Variants in NDUFAF2 observed in about 807,000 individuals in gnomAD.
NDUFAF2 encodes the protein NADH:ubiquinone oxidoreductase complex assembly factor 2, also known as NADH dehydrogenase [ubiquinone] 1 alpha subcomplex assembly factor 2.
In NDUFAF2, 13 loss-of-function variants were observed where a neutral mutation model predicts 22.8. The ratio of observed to expected loss-of-function variants is 0.57; its 90% confidence interval spans 0.37 to 0.91. The LOEUF is 0.91. Among genes scored for constraint, NDUFAF2 ranks in the 40% least tolerant of loss-of-function variants. NDUFAF2 has a pLI of 0.01. For missense variants in NDUFAF2, 162 were observed against 195.2 expected (o/e 0.83, Z 1.01); for synonymous variants, 53 against 64.2 (o/e 0.83, Z 0.84).
intron 3 of NDUFAF2, among the ~76,000 whole-genome samples, chr5:61,106,181 T>C (rs1752760581): frequency 6.6e-6 from 1 of 151,360 alleles, no homozygotes; most frequent in Non-Finnish European, 1.5e-5. Flanking sequence ...TCAAACTCTG[T>C]TGGGGAGCAG....
chr5:61,130,886 A>G (rs1454812016), intron 3 of NDUFAF2, among the ~76,000 whole-genome samples: 1 of 152,166 alleles, frequency 6.6e-6, no homozygotes, highest in Non-Finnish European at 1.5e-5. Flanking sequence ...AGTACCAGAA[A>G]TGGGACATTA....
At chr5:61,053,430 G>A (rs1252492121) in intron 1 of NDUFAF2, among the ~76,000 whole-genome samples, 1 of 152,180 alleles carries the variant, frequency 6.6e-6, no homozygotes, top group African/African-American at 2.4e-5. Context: ...TTCATTCATA[G>A]ATAGATTTTC....
At chr5:61,079,404 A>G (rs1461428367) in intron 2 of NDUFAF2, among the ~76,000 whole-genome samples, 1 of 152,194 alleles carries the variant, frequency 6.6e-6, no homozygotes, top group African/African-American at 2.4e-5. Flanking sequence ...TACCTTGGTC[A>G]TTTTGGCAAA....
intron 1 of NDUFAF2, among the ~76,000 whole-genome samples, chr5:61,039,143 CAA>C (rs36065069): frequency 2.2e-4 from 18 of 82,494 alleles, no homozygotes; most frequent in Non-Finnish European, 2.4e-4. Context: ...GCTGACAGGC[CAA>C]AAAAAAAAAA....
At chr5:60,981,639 T>C (rs539022853) in intron 1 of NDUFAF2, among the ~76,000 whole-genome samples, 1 of 152,220 alleles carries the variant, frequency 6.6e-6, no homozygotes, top group Admixed American at 6.5e-5. Context: ...TTTTAAGACA[T>C]AGTACAATAA....
chr5:60,973,424 T>G (rs1750862309), intron 1 of NDUFAF2, among the ~76,000 whole-genome samples: 1 of 152,168 alleles, frequency 6.6e-6, no homozygotes, highest in African/African-American at 2.4e-5. Flanking sequence ...GCCAACATAA[T>G]TTTTTCCTTT....
chr5:61,147,600 A>G (rs159372), intron 3 of NDUFAF2, among the ~76,000 whole-genome samples: 123,508 of 151,656 alleles, frequency 0.81, 50,828 homozygotes, highest in East Asian at 1. Flanking sequence ...GTTTTGTTAG[A>G]GTAGATCTAG....
intron 1 of NDUFAF2, among the ~76,000 whole-genome samples, chr5:60,964,726 A>G (rs1384344987): frequency 6.6e-6 from 1 of 152,138 alleles, no homozygotes; most frequent in African/African-American, 2.4e-5. Context: ...CGCTGGGATT[A>G]CAGGTGTGAA....
chr5:61,072,123 T>C (rs1469360040), intron 1 of NDUFAF2, among the ~76,000 whole-genome samples: 1 of 152,234 alleles, frequency 6.6e-6, no homozygotes, highest in East Asian at 1.9e-4. Context: ...TGAAGAACCA[T>C]AGACTTTGAA....
intron 3 of NDUFAF2, among the ~76,000 whole-genome samples, chr5:61,121,994 C>A (rs1752982037): frequency 1.3e-5 from 2 of 152,058 alleles, no homozygotes; most frequent in Non-Finnish European, 2.9e-5. Context: ...CCACACCCAG[C>A]TAATTTTTGT....
At chr5:60,979,229 C>T (rs943594948) in intron 1 of NDUFAF2, among the ~76,000 whole-genome samples, 1 of 152,170 alleles carries the variant, frequency 6.6e-6, no homozygotes, top group Non-Finnish European at 1.5e-5. Context: ...TGACCCAGCA[C>T]ATTCCAGCTG....
chr5:60,993,067 G>C (rs1347214787), intron 1 of NDUFAF2, among the ~76,000 whole-genome samples: 2 of 152,236 alleles, frequency 1.3e-5, no homozygotes, highest in African/African-American at 4.8e-5. Flanking sequence ...GGGTGAACCA[G>C]ACATGGAGCG....
chr5:61,079,428 T>G (rs2111740301), intron 2 of NDUFAF2, among the ~76,000 whole-genome samples: 1 of 152,334 alleles, frequency 6.6e-6, no homozygotes, highest in South Asian at 2.1e-4. Context: ...ATTTACCTCC[T>G]ATTTTTCATC....
intron 1 of NDUFAF2, among the ~76,000 whole-genome samples, chr5:61,047,037 A>T (rs1751962199): frequency 1.3e-5 from 2 of 152,276 alleles, no homozygotes; most frequent in South Asian, 4.1e-4. Context: ...GCTAGGGCTA[A>T]TACGAATTTC....
chr5:61,006,395 T>G (rs1455596732), intron 1 of NDUFAF2, among the ~76,000 whole-genome samples: 2 of 152,228 alleles, frequency 1.3e-5, no homozygotes, highest in Non-Finnish European at 2.9e-5. Context: ...AGCTTTGTTC[T>G]TTTGGCTTAG....
At chr5:61,033,822 G>T (rs1751759518) in intron 1 of NDUFAF2, among the ~76,000 whole-genome samples, 1 of 152,262 alleles carries the variant, frequency 6.6e-6, no homozygotes, top group African/African-American at 2.4e-5. Flanking sequence ...GTTGTAGTGA[G>T]AAGTTAGGCA....
intron 1 of NDUFAF2, among the ~76,000 whole-genome samples, chr5:61,018,957 C>G (rs372388635): frequency 2.6e-4 from 40 of 152,084 alleles, no homozygotes; most frequent in African/African-American, 9.4e-4. Context: ...TATGCACACA[C>G]AAAAAATAAG....
intron 1 of NDUFAF2, among the ~76,000 whole-genome samples, chr5:60,996,435 C>T (rs750778078): frequency 2.3e-4 from 35 of 151,998 alleles, no homozygotes; most frequent in Non-Finnish European, 4.4e-4. Context: ...AGAGTCCTCC[C>T]GACTCTTCCC....
rs560088203 is a variant in NDUFAF2, at chr5:61,086,693, A to G, written c.218-12299A>G. On this transcript the variant is annotated intron_variant, in intron 2 of 3. Coordinates refer to ENST00000296597, the MANE Select transcript of NDUFAF2 (RefSeq NM_174889.5). ...ATAAACTTTTAGAAGAAAAAGATGA[A>G]CAAAAATCTTTCAATTATGAGTAGT... 2.6e-5 allele frequency among the ~76,000 whole-genome samples: 4 copies of G among 152,288 alleles called. No individual in the cohort carries two copies. The South Asian group carries it at 8.3e-4, about 32-fold the overall frequency.
Sources: gnomAD v4.1 joint callset for allele counts (sites outside exome capture counted in the v4.1 genomes callset) on GRCh38, gnomAD v4.1.1 for gene constraint, MANE v1.5 for transcripts, NCBI Gene and HGNC (gene_info 2026-07-23, HGNC 2026-07-21) for gene names.